The following RPTOR variants were observed in gnomAD, a reference collection of about 807,000 sequenced individuals.
RPTOR encodes regulatory associated protein of MTOR complex 1.
A neutral mutation model predicts 169.9 loss-of-function variants in RPTOR; 21 were observed. The ratio of observed to expected loss-of-function variants is 0.12; its 90% CI spans 0.09 to 0.18. The LOEUF (loss-of-function observed/expected upper bound fraction) is 0.18, where lower values mean the gene tolerates loss of function less well. RPTOR is among the 10% of genes least tolerant of loss of function. RPTOR has a pLI of 1.00. For synonymous variants in RPTOR, 732 were observed against 753.2 expected (o/e 0.97, Z 0.46); for missense variants, 1,133 against 1,855.9 (o/e 0.61, Z 7.16).
At chr17:80,899,573 C>G (rs1376230630) in intron 20 of RPTOR, among the ~76,000 whole-genome samples, 3 of 152,222 alleles carry the variant, frequency 2.0e-5, no homozygotes, top group Admixed American at 1.3e-4. Context: ...GGTGATAGCT[C>G]CCTTCCGTCA....
intron 2 of RPTOR, among the ~76,000 whole-genome samples, chr17:80,634,367 A>G (rs1484768720): frequency 0.06 from 3,215 of 53,988 alleles, 109 homozygotes; most frequent in Middle Eastern, 0.083. Flanking sequence ...CTGTGTGTGC[A>G]TACTGTGTGT....
At chr17:80,932,146 C>CATATATATATATATATAT (rs57950527) in intron 24 of RPTOR, among the ~76,000 whole-genome samples, 364 of 145,904 alleles carry the variant, frequency 2.5e-3, no homozygotes, top group Non-Finnish European at 4.1e-3. Context: ...TCCAGGCATG[C>CATATATATATATATATAT]ATATATATAT....
Position 80,651,696 on chromosome 17 carries a change from C to G in RPTOR, c.348+7886C>G, listed in dbSNP as rs2065640849. On this transcript the variant is annotated intron_variant, in intron 3 of 33. Transcript: ENST00000306801. This position sits in a 1 kb window ranked among gnomAD's most constrained non-coding sequence, Gnocchi z 4.1. Reference sequence around the variant, plus strand: ...AAGAGTTGGAGACCAGCCTGGCCAACATGGTGAAACCTTGTCTCTACTAAA... The same window carrying G: ...AAGAGTTGGAGACCAGCCTGGCCAAGATGGTGAAACCTTGTCTCTACTAAA... Among the ~76,000 whole-genome samples, 1 of 151,850 alleles carries G rather than the reference C, an allele frequency of 6.6e-6. No homozygotes were observed. The highest frequency in any genetic ancestry group is 2.4e-5 in the African/African-American group (1 of 41,310).
At chr17:80,664,082 G>A (rs535387846) in intron 3 of RPTOR, among the ~76,000 whole-genome samples, 4 of 152,244 alleles carry the variant, frequency 2.6e-5, no homozygotes, top group South Asian at 2.1e-4. Context: ...CCAGGGCTGC[G>A]TCTGGGAGGG....
In RPTOR at chr17:80,633,808, C is replaced by A. The variant is rs1185004362; in HGVS notation, c.265+8015C>A. Among the ~76,000 whole-genome samples the A allele has an allele frequency of 6.6e-6, 1 of 152,186 alleles. No homozygotes were observed. Among genetic ancestry groups the A allele is most frequent in the African/African-American group, 2.4e-5 (1 of 41,442 alleles). On this transcript the variant is annotated intron_variant, in intron 2 of 33. Transcript: ENST00000306801. This position sits in a 1 kb window ranked among gnomAD's most constrained non-coding sequence, Gnocchi z 4.1. Reference sequence around the variant, plus strand: ...CAGTGGATTTAGAATCCAGTGTTATCCTTTGGTGCCGAGCTTGTCTCCCTC... The same window carrying A: ...CAGTGGATTTAGAATCCAGTGTTATACTTTGGTGCCGAGCTTGTCTCCCTC...
intron 7 of RPTOR, among the ~76,000 whole-genome samples, chr17:80,815,808 C>A (rs1478573761): frequency 6.6e-6 from 1 of 152,148 alleles, no homozygotes; most frequent in Non-Finnish European, 1.5e-5. Flanking sequence ...TGCAGAGCAT[C>A]CTCCCGACTG....
At chr17:80,693,787 G>A (rs1440261917) in intron 3 of RPTOR, among the ~76,000 whole-genome samples, 2 of 152,236 alleles carry the variant, frequency 1.3e-5, no homozygotes, top group African/African-American at 4.8e-5. Context: ...CCAGGGGCCA[G>A]AGAGCTGACT....
chr17:80,948,496 C>T (rs117256142), intron 27 of RPTOR: 1 of 152,458 alleles, frequency 6.6e-6, no homozygotes, highest in African/African-American at 2.4e-5. Flanking sequence ...GTGAGCATCT[C>T]CCAACACCAG....
At chr17:80,735,591 T>C (rs2066427440) in intron 5 of RPTOR, among the ~76,000 whole-genome samples, 1 of 152,176 alleles carries the variant, frequency 6.6e-6, no homozygotes, top group Non-Finnish European at 1.5e-5. Context: ...CAGTCACAGC[T>C]CACCGTCACT....
chr17:80,561,732 C>T (rs1237983355), intron 1 of RPTOR, among the ~76,000 whole-genome samples: 1 of 152,004 alleles, frequency 6.6e-6, no homozygotes, highest in Non-Finnish European at 1.5e-5. Context: ...GCACCCAGCC[C>T]AGGATGGCAT....
intron 1 of RPTOR, among the ~76,000 whole-genome samples, chr17:80,615,871 G>A (rs1201260268): frequency 1.3e-5 from 2 of 152,124 alleles, no homozygotes; most frequent in African/African-American, 2.4e-5. Context: ...GGGGCCCGGA[G>A]GCCTTTCTTC....
intron 9 of RPTOR, among the ~76,000 whole-genome samples, chr17:80,835,057 G>A (rs934634180): frequency 6.6e-6 from 1 of 152,194 alleles, no homozygotes; most frequent in African/African-American, 2.4e-5. Flanking sequence ...TGCAGCTGGG[G>A]ATTTACTGGG....
At chr17:80,679,569 C>G (rs1265127939) in intron 3 of RPTOR, among the ~76,000 whole-genome samples, 1 of 151,990 alleles carries the variant, frequency 6.6e-6, no homozygotes, top group Admixed American at 6.6e-5. Context: ...CTTTTTGTTT[C>G]TCTTAGCTTA....
intron 12 of RPTOR, 131 bp downstream of exon 12, chr17:80,855,678 A>G: frequency 1.4e-6 from 1 of 718,136 alleles, no homozygotes; most frequent in East Asian, 2.5e-5. Flanking sequence ...GAGTGTGTCC[A>G]CCGTGTTGGT....
In RPTOR at chr17:80,891,750, G is replaced by T; in HGVS notation, c.2014G>T (p.Val672Phe). ...ELVVALSHLV[V>F]QYESNFCTVA... Reference sequence around the variant, plus strand: ...GGTGGTGGCTCTGAGTCATCTTGTGGTTCAGTATGAAAGCAATTTCTGCAC... The same window carrying T: ...GGTGGTGGCTCTGAGTCATCTTGTGTTTCAGTATGAAAGCAATTTCTGCAC... The change falls in exon 18 of 34, where the codon GTT (valine) becomes TTT (phenylalanine). Residue 672 changes from valine (V) to phenylalanine (F), a missense_variant. By Grantham distance (50) the Val-to-Phe change is conservative. Coordinates refer to ENST00000306801, the MANE Select transcript of RPTOR (RefSeq NM_020761.3). 2.5e-6 allele frequency: 4 copies of T among 1,613,998 alleles called. No individual in the cohort carries two copies. Among genetic ancestry groups the T allele is most frequent in the Non-Finnish European group, 2.5e-6 (3 of 1,179,884 alleles).
intron 7 of RPTOR, among the ~76,000 whole-genome samples, chr17:80,810,774 C>T (rs2067264846): frequency 2.0e-5 from 3 of 152,202 alleles, no homozygotes; most frequent in Non-Finnish European, 2.9e-5. Flanking sequence ...ATAGTGGCTT[C>T]ATCTTCCATA....
Position 80,960,257 on chromosome 17 carries a change from G to T in RPTOR, c.3605+52G>T, listed in dbSNP as rs1337563637. ...CCGAGTGCTGGCAGGGTACCTTCCA[G>T]GTGGTAGGGCCGTGTCACTGCCATT... On this transcript the variant is annotated intron_variant, in intron 30 of 33. Transcript: ENST00000306801. The surrounding 1 kb of genome is among the most constrained non-coding windows in gnomAD (Gnocchi z 4.8). 6.2e-7 allele frequency: 1 copy of T among 1,608,910 alleles called. No homozygotes were observed. Among genetic ancestry groups the T allele is most frequent in the South Asian group, 1.1e-5 (1 of 90,822 alleles).
rs116064106 is a variant in RPTOR, at chr17:80,663,365, A to C, written c.348+19555A>C. 2.7e-3 allele frequency among the ~76,000 whole-genome samples: 412 copies of C among 151,962 alleles called. 1 individual carries two copies. The highest frequency in any genetic ancestry group is 9.7e-3 in the African/African-American group (401 of 41,518). On this transcript the variant is annotated intron_variant, in intron 3 of 33. Transcript: ENST00000306801. The stretch of plus-strand genomic sequence containing the variant: ...TGTATGTTTCCAGTTACATTTTGCA[A>C]GCCACTCTAAATTGACAAAAATGAC...
intron 30 of RPTOR, chr17:80,961,147 G>C: frequency 2.0e-6 from 1 of 498,210 alleles, no homozygotes. Flanking sequence ...GTCCTCCAGC[G>C]GCCTGACGGT....
Sources: gnomAD v4.1 joint callset for allele counts (sites outside exome capture counted in the v4.1 genomes callset) on GRCh38, gnomAD v4.1.1 for gene constraint, Gnocchi (gnomAD v3.1) non-coding constraint, MANE v1.5 for transcripts, NCBI Gene and HGNC (gene_info 2026-07-23, HGNC 2026-07-21) for gene names.